The following SNTG2 variants were observed in gnomAD, a reference collection of about 807,000 sequenced individuals.
SNTG2 encodes syntrophin gamma 2, also known as gamma-2-syntrophin.
Under a neutral mutation model 70.9 loss-of-function variants are expected in SNTG2, and 74 were observed. The ratio of observed to expected loss-of-function variants is 1.04; its 90% CI spans 0.86 to 1.27. The LOEUF is 1.27. Among genes scored for constraint, SNTG2 ranks in the 50% most tolerant of loss-of-function variants. The pLI is 0.00. For synonymous variants in SNTG2, 278 were observed against 273.8 expected (o/e 1.02, Z -0.15); for missense variants, 717 against 690.7 (o/e 1.04, Z -0.43).
At chr2:1,028,473 C>T (rs1572250879) in intron 1 of SNTG2, among the ~76,000 whole-genome samples, 1 of 152,192 alleles carries the variant, frequency 6.6e-6, no homozygotes, top group Non-Finnish European at 1.5e-5. Context: ...CAGCTGGTTC[C>T]GAATGCTGGC....
chr2:1,111,452 G>T (rs1301781610), intron 4 of SNTG2, among the ~76,000 whole-genome samples: 1 of 152,176 alleles, frequency 6.6e-6, no homozygotes, highest in Non-Finnish European at 1.5e-5. Context: ...GTGCAGCAGA[G>T]AATCCAGTTG....
At chr2:1,137,573 T>C in intron 4 of SNTG2, 49 bp from the exon 5 acceptor site, 6 of 1,597,180 alleles carry the variant, frequency 3.8e-6, no homozygotes, top group Non-Finnish European at 5.1e-6. Context: ...TAACAAAGCA[T>C]GTCACTGAGA....
At chr2:1,127,343 G>A (rs188224367) in intron 4 of SNTG2, among the ~76,000 whole-genome samples, 35 of 152,038 alleles carry the variant, frequency 2.3e-4, no homozygotes, top group Non-Finnish European at 3.8e-4. Flanking sequence ...CCTGTACCAC[G>A]TTGCTTTGGT....
intron 4 of SNTG2, among the ~76,000 whole-genome samples, chr2:1,100,763 T>G (rs1404249001): frequency 3.3e-5 from 5 of 152,186 alleles, no homozygotes; most frequent in Non-Finnish European, 1.5e-5. Context: ...TAATGGGTTT[T>G]TTTTTAATTG....
At chr2:1,279,831 A>G (rs548115387) in intron 14 of SNTG2, among the ~76,000 whole-genome samples, 95 of 152,342 alleles carry the variant, frequency 6.2e-4, no homozygotes, top group African/African-American at 2.2e-3. Flanking sequence ...TCTGAGCACC[A>G]TAGCTAGATA....
chr2:1,197,679 C>A (rs1288586254), intron 8 of SNTG2, among the ~76,000 whole-genome samples: 1 of 151,712 alleles, frequency 6.6e-6, no homozygotes, highest in Non-Finnish European at 1.5e-5. Context: ...GGATTACAGG[C>A]ATGCATCATC....
chr2:1,082,831 T>G (rs1483785014), intron 1 of SNTG2, among the ~76,000 whole-genome samples: 2 of 152,182 alleles, frequency 1.3e-5, no homozygotes, highest in African/African-American at 2.4e-5. Context: ...GATCCAAAGG[T>G]GTCTTTCTGA....
chr2:957,943 G>A (rs1291107357), intron 1 of SNTG2, among the ~76,000 whole-genome samples: 1 of 152,170 alleles, frequency 6.6e-6, no homozygotes, highest in Non-Finnish European at 1.5e-5. Flanking sequence ...GTCTTTTTAG[G>A]TAAGTAATAT....
intron 14 of SNTG2, among the ~76,000 whole-genome samples, chr2:1,292,073 A>G (rs1357855344): frequency 6.6e-6 from 1 of 152,124 alleles, no homozygotes; most frequent in East Asian, 1.9e-4. Context: ...TTAATTCCAT[A>G]TATTTTATTC....
intron 16 of SNTG2, among the ~76,000 whole-genome samples, chr2:1,352,948 A>G (rs1055169918): frequency 6.6e-6 from 1 of 152,090 alleles, no homozygotes; most frequent in African/African-American, 2.4e-5. Flanking sequence ...CTCATCAGCC[A>G]CCTCATTCAG....
chr2:1,256,329 T>A (rs1180344116), intron 12 of SNTG2: 1 of 152,170 alleles, frequency 6.6e-6, no homozygotes, highest in African/African-American at 2.4e-5. Context: ...CATTTGTATA[T>A]GCATACAGAG....
chr2:992,194 GC>G (rs1344063637), intron 1 of SNTG2, among the ~76,000 whole-genome samples: 2 of 152,000 alleles, frequency 1.3e-5, no homozygotes, highest in African/African-American at 4.8e-5. Flanking sequence ...ATTTTGTAAA[GC>G]AAAAAGGTAC....
At chr2:1,230,350 T>C (rs1676130016) in intron 9 of SNTG2, among the ~76,000 whole-genome samples, 1 of 152,102 alleles carries the variant, frequency 6.6e-6, no homozygotes, top group African/African-American at 2.4e-5. Context: ...AACTTGGATG[T>C]CTGGGGGCCG....
intron 9 of SNTG2, among the ~76,000 whole-genome samples, chr2:1,223,738 G>A (rs1471185008): frequency 2.0e-5 from 3 of 152,224 alleles, no homozygotes; most frequent in Admixed American, 6.5e-5. Context: ...TTAAAGGCAC[G>A]AGACCTTCAG....
At chr2:1,043,244 G>GA (rs1661542137) in intron 1 of SNTG2, among the ~76,000 whole-genome samples, 1 of 151,796 alleles carries the variant, frequency 6.6e-6, no homozygotes, top group African/African-American at 2.4e-5. Flanking sequence ...TAGATTTGTT[G>GA]AAGTTTCCTA....
intron 12 of SNTG2, among the ~76,000 whole-genome samples, chr2:1,251,748 CCACA>C (rs760340272): frequency 6.7e-6 from 1 of 149,622 alleles, no homozygotes; most frequent in African/African-American, 2.5e-5. Context: ...CAGGCACACA[CCACA>C]CACACACTAC....
In SNTG2 at chr2:1,089,437, C is replaced by G. The variant is rs1400745662; in HGVS notation, c.210+5782C>G. On this transcript the variant is annotated intron_variant, in intron 2 of 16. Coordinates refer to ENST00000308624, the MANE Select transcript of SNTG2 (RefSeq NM_018968.4). ...GGATCACAAGGTTAGGAGTTTGAGA[C>G]CAGCCTGACCAACATGGTGAAACCC... Among the ~76,000 whole-genome samples, 3 of 152,130 alleles carry G rather than the reference C, an allele frequency of 2.0e-5. No individual in the cohort carries two copies. The East Asian group carries it at 5.8e-4, about 29-fold the overall frequency.
chr2:1,300,756 C>T (rs1025276427), intron 14 of SNTG2, among the ~76,000 whole-genome samples: 10 of 152,178 alleles, frequency 6.6e-5, no homozygotes, highest in East Asian at 3.9e-4. Context: ...TTGTTTAGAG[C>T]GTGAATTTTT....
At chr2:1,168,931 C>T (rs899121964) in intron 7 of SNTG2, among the ~76,000 whole-genome samples, 3 of 152,178 alleles carry the variant, frequency 2.0e-5, no homozygotes, top group Non-Finnish European at 2.9e-5. Context: ...CGAAATGTCA[C>T]ACGCGGCACA....
Sources: gnomAD v4.1 joint callset for allele counts (sites outside exome capture counted in the v4.1 genomes callset) on GRCh38, gnomAD v4.1.1 for gene constraint, MANE v1.5 for transcripts, NCBI Gene and HGNC (gene_info 2026-07-23, HGNC 2026-07-21) for gene names.